The following CHST11 variants were observed in gnomAD, a reference collection of about 807,000 sequenced individuals.
The protein encoded by CHST11 is carbohydrate sulfotransferase 11, also known as C4S-1.
Under a neutral mutation model 30.4 loss-of-function variants are expected in CHST11, and 9 were observed. The observed-to-expected ratio is 0.30, with a 90% confidence interval of 0.18 to 0.52. The LOEUF (loss-of-function observed/expected upper bound fraction) is 0.52. CHST11 is among the 20% of genes least tolerant of loss of function. The pLI, the probability that CHST11 is intolerant of heterozygous loss-of-function variation, is 0.97. For synonymous variants in CHST11, 152 were observed against 187.8 expected (o/e 0.81, Z 1.56); for missense variants, 348 against 460.6 (o/e 0.76, Z 2.24).
At chr12:104,755,970 G>C (rs1024213873) in intron 2 of CHST11, among the ~76,000 whole-genome samples, 1 of 151,988 alleles carries the variant, frequency 6.6e-6, no homozygotes, top group African/African-American at 2.4e-5. Flanking sequence ...AAGTAGGTTG[G>C]CATTGGGCTA....
chr12:104,495,051 T>G (rs2037786906), intron 1 of CHST11, among the ~76,000 whole-genome samples: 2 of 152,234 alleles, frequency 1.3e-5, no homozygotes, highest in South Asian at 2.1e-4. Context: ...TTGAGACACT[T>G]CAGATGCGTG....
At chr12:104,522,004 C>A (rs1310711345) in intron 1 of CHST11, among the ~76,000 whole-genome samples, 1 of 152,124 alleles carries the variant, frequency 6.6e-6, no homozygotes, top group African/African-American at 2.4e-5. Context: ...CCGGAAAATT[C>A]GACTCTCCTG....
At chr12:104,561,147 A>G (rs1195405519) in intron 1 of CHST11, among the ~76,000 whole-genome samples, 1 of 152,200 alleles carries the variant, frequency 6.6e-6, no homozygotes, top group Non-Finnish European at 1.5e-5. Context: ...GTATTAGGTT[A>G]TAGGACTGGC....
intron 1 of CHST11, among the ~76,000 whole-genome samples, chr12:104,533,220 A>G (rs1373025871): frequency 2.0e-5 from 3 of 152,214 alleles, no homozygotes; most frequent in South Asian, 2.1e-4. Flanking sequence ...AGTTAGTTGT[A>G]TACTTGATTA....
chr12:104,557,730 G>A (rs989632524), intron 1 of CHST11, among the ~76,000 whole-genome samples: 1 of 152,116 alleles, frequency 6.6e-6, no homozygotes, highest in African/African-American at 2.4e-5. Context: ...TGGGAGGGAA[G>A]GAAGTGGGAA....
chr12:104,485,246 C>T (rs746529730), intron 1 of CHST11, among the ~76,000 whole-genome samples: 6 of 152,118 alleles, frequency 3.9e-5, no homozygotes, highest in South Asian at 2.1e-4. Flanking sequence ...GGAGGTTCCC[C>T]GACCTTGCTT....
chr12:104,457,794 T>A (rs1434898453), intron 1 of CHST11, among the ~76,000 whole-genome samples: 5 of 148,752 alleles, frequency 3.4e-5, no homozygotes, highest in Non-Finnish European at 6.0e-5. Context: ...AGTTTTTTTT[T>A]TTTTTTTTTT....
intron 2 of CHST11, among the ~76,000 whole-genome samples, chr12:104,606,028 A>T (rs2039001233): frequency 2.0e-5 from 3 of 152,036 alleles, no homozygotes; most frequent in Non-Finnish European, 2.9e-5. Context: ...AGAGACTCAC[A>T]GCACAGGGCT....
intron 1 of CHST11, among the ~76,000 whole-genome samples, chr12:104,538,961 A>C (rs1039128656): frequency 1.3e-5 from 2 of 152,232 alleles, no homozygotes; most frequent in African/African-American, 4.8e-5. Context: ...CGACAATCCT[A>C]TAAAGCAGTC....
intron 1 of CHST11, among the ~76,000 whole-genome samples, chr12:104,469,770 A>G (rs1352348188): frequency 6.6e-6 from 1 of 152,180 alleles, no homozygotes; most frequent in Non-Finnish European, 1.5e-5. Context: ...ATTTAGTTCA[A>G]AGACTCCATA....
chr12:104,511,327 G>T (rs1263384256), intron 1 of CHST11, among the ~76,000 whole-genome samples: 1 of 152,158 alleles, frequency 6.6e-6, no homozygotes, highest in Admixed American at 6.5e-5. Flanking sequence ...CACTTGCGAG[G>T]CTGGCCAGCA....
chr12:104,462,352 A>G (rs1318211574), intron 1 of CHST11, among the ~76,000 whole-genome samples: 3 of 151,558 alleles, frequency 2.0e-5, no homozygotes, highest in Non-Finnish European at 4.4e-5. Flanking sequence ...TACATAGTTG[A>G]GATAACATCA....
intron 1 of CHST11, among the ~76,000 whole-genome samples, chr12:104,594,157 A>G (rs1035166489): frequency 1.3e-5 from 2 of 152,192 alleles, no homozygotes; most frequent in Non-Finnish European, 2.9e-5. Flanking sequence ...AGAGAGGGGC[A>G]AACCTGGCAG....
intron 2 of CHST11, among the ~76,000 whole-genome samples, chr12:104,752,026 A>T (rs1424023216): frequency 2.6e-5 from 4 of 152,372 alleles, no homozygotes; most frequent in Non-Finnish European, 1.5e-5. Flanking sequence ...TGAGGCCATC[A>T]TAACAAATTA....
intron 1 of CHST11, among the ~76,000 whole-genome samples, chr12:104,560,236 T>C (rs145290276): frequency 2.5e-4 from 38 of 152,282 alleles, no homozygotes; most frequent in African/African-American, 7.7e-4. Context: ...CAGATGCACA[T>C]GAAAGGCCTG....
intron 1 of CHST11, among the ~76,000 whole-genome samples, chr12:104,574,469 A>T (rs1374429835): frequency 7.2e-5 from 11 of 152,236 alleles, no homozygotes; most frequent in East Asian, 1.9e-4. Flanking sequence ...CAAATGTCCA[A>T]CAATGATAGA....
intron 2 of CHST11, among the ~76,000 whole-genome samples, chr12:104,673,657 G>A (rs1043130252): frequency 2.0e-5 from 3 of 152,164 alleles, no homozygotes; most frequent in African/African-American, 7.2e-5. Context: ...AGCTACCCCA[G>A]GCAATGAGAC....
At chr12:104,552,688 C>A (rs1178891007) in intron 1 of CHST11, 1 of 152,158 alleles carries the variant, frequency 6.6e-6, no homozygotes, top group South Asian at 2.1e-4. Context: ...TTTGTTTTCT[C>A]CCATGGCCCA....
chr12:104,683,067 C>T (rs2039813317), intron 2 of CHST11, among the ~76,000 whole-genome samples: 1 of 152,138 alleles, frequency 6.6e-6, no homozygotes, highest in Admixed American at 6.5e-5. Flanking sequence ...CTAACCTTTG[C>T]AGGAAGGAAG....
Sources: allele counts gnomAD v4.1 joint callset (sites outside exome capture counted in the v4.1 genomes callset), GRCh38; gene constraint gnomAD v4.1.1; transcripts MANE v1.5; gene names NCBI Gene and HGNC (gene_info 2026-07-23, HGNC 2026-07-21).